Variants in PTPRD observed in about 807,000 individuals in gnomAD.
The protein encoded by PTPRD is protein tyrosine phosphatase receptor type D.
A neutral mutation model predicts 214.5 loss-of-function variants in PTPRD; 34 were observed. The observed-to-expected ratio is 0.16, with a 90% confidence interval of 0.12 to 0.21. PTPRD has a LOEUF of 0.21. Among genes scored for constraint, PTPRD ranks in the 10% least tolerant of loss-of-function variants. The pLI, the probability that PTPRD is intolerant of heterozygous loss-of-function variation, is 1.00. For missense variants in PTPRD, 2,545 were observed against 2,398.7 expected (o/e 1.06, Z -1.27); for synonymous variants, 1,128 against 845.7 (o/e 1.33, Z -5.79).
chr9:10,497,069 T>C (rs1384915070), intron 2 of PTPRD, among the ~76,000 whole-genome samples: 1 of 151,850 alleles, frequency 6.6e-6, no homozygotes, highest in African/African-American at 2.4e-5. Flanking sequence ...ATACCTTATG[T>C]TCTTACTTAT....
intron 14 of PTPRD, among the ~76,000 whole-genome samples, chr9:8,620,050 G>C (rs1356027955): frequency 3.3e-5 from 5 of 151,964 alleles, no homozygotes; most frequent in African/African-American, 1.2e-4. Context: ...GCACTTAGCA[G>C]ACCTCTCCTT....
intron 3 of PTPRD, among the ~76,000 whole-genome samples, chr9:10,094,156 C>T (rs373654022): frequency 1.3e-5 from 2 of 151,230 alleles, no homozygotes; most frequent in African/African-American, 4.8e-5. Flanking sequence ...ATTAGCTGAC[C>T]GCTGTCTTGG....
At chr9:8,581,215 A>T (rs2093049520) in intron 14 of PTPRD, among the ~76,000 whole-genome samples, 1 of 152,204 alleles carries the variant, frequency 6.6e-6, no homozygotes, top group South Asian at 2.1e-4. Context: ...ATCAAACCAA[A>T]AATTAAAGAG....
chr9:8,968,545 T>C (rs2099214923), intron 11 of PTPRD, among the ~76,000 whole-genome samples: 2 of 152,140 alleles, frequency 1.3e-5, no homozygotes, highest in African/African-American at 2.4e-5. Flanking sequence ...CAGGCACTTT[T>C]CTCAGTGTTA....
At chr9:10,312,535 TAA>T (rs2096295237) in intron 3 of PTPRD, among the ~76,000 whole-genome samples, 1 of 151,998 alleles carries the variant, frequency 6.6e-6, no homozygotes, top group African/African-American at 2.4e-5. Flanking sequence ...TTAAAATTTA[TAA>T]ACTCTTGCTT....
chr9:8,343,376 A>G (rs1414150109), intron 39 of PTPRD, among the ~76,000 whole-genome samples: 1 of 152,050 alleles, frequency 6.6e-6, no homozygotes, highest in African/African-American at 2.4e-5. Context: ...TTGACATGAC[A>G]TTGATATATC....
At chr9:9,313,350 T>C (rs571056654) in intron 9 of PTPRD, among the ~76,000 whole-genome samples, 2 of 152,172 alleles carry the variant, frequency 1.3e-5, no homozygotes, top group South Asian at 2.1e-4. Flanking sequence ...AAGAAAACTT[T>C]ATTAGTTTGT....
intron 8 of PTPRD, among the ~76,000 whole-genome samples, chr9:9,521,289 C>T (rs2096965810): frequency 6.6e-6 from 1 of 152,128 alleles, no homozygotes; most frequent in Non-Finnish European, 1.5e-5. Context: ...TCGTGGTCTG[C>T]ATTCCAGGAT....
At chr9:9,676,762 T>C (rs1222218354) in intron 7 of PTPRD, among the ~76,000 whole-genome samples, 9 of 152,158 alleles carry the variant, frequency 5.9e-5, no homozygotes, top group Non-Finnish European at 2.9e-5. Context: ...AGTGTTCCTA[T>C]TTCTCCACAT....
intron 2 of PTPRD, among the ~76,000 whole-genome samples, chr9:10,433,546 CTT>C (rs2098697161): frequency 6.6e-6 from 1 of 151,894 alleles, no homozygotes; most frequent in Admixed American, 6.6e-5. Flanking sequence ...GAAATATGCT[CTT>C]ATGTCATCTG....
At chr9:9,892,764 C>G (rs2073804301) in intron 5 of PTPRD, among the ~76,000 whole-genome samples, 1 of 151,268 alleles carries the variant, frequency 6.6e-6, no homozygotes. Flanking sequence ...AAAATTGTGT[C>G]TTGTTCAGGG....
At chr9:10,303,889 T>C (rs1398955253) in intron 3 of PTPRD, among the ~76,000 whole-genome samples, 1 of 152,142 alleles carries the variant, frequency 6.6e-6, no homozygotes, top group African/African-American at 2.4e-5. Flanking sequence ...CAAAAAAAGA[T>C]GGAATCCTCC....
intron 9 of PTPRD, among the ~76,000 whole-genome samples, chr9:9,347,095 A>G (rs1463596306): frequency 6.6e-6 from 1 of 152,072 alleles, no homozygotes; most frequent in African/African-American, 2.4e-5. Context: ...TGAGCCTGGG[A>G]GGTTGAGGCT....
chr9:10,109,444 A>G (rs957877866), intron 3 of PTPRD, among the ~76,000 whole-genome samples: 5 of 152,188 alleles, frequency 3.3e-5, no homozygotes, highest in African/African-American at 1.2e-4. Context: ...ATAATTGCCA[A>G]ATCCTATTGT....
intron 2 of PTPRD, among the ~76,000 whole-genome samples, chr9:10,504,902 A>G (rs1267256922): frequency 2.0e-5 from 3 of 152,158 alleles, no homozygotes; most frequent in East Asian, 3.9e-4. Flanking sequence ...TAATGTTAAC[A>G]GAGGAAAGGG....
At chr9:8,421,837 T>C (rs2094384713) in intron 35 of PTPRD, among the ~76,000 whole-genome samples, 1 of 144,054 alleles carries the variant, frequency 6.9e-6, no homozygotes, top group Non-Finnish European at 1.5e-5. Context: ...GTACATTCAC[T>C]GAACTTTTTT....
At chr9:9,981,705 T>C (rs1326901332) in intron 4 of PTPRD, among the ~76,000 whole-genome samples, 1 of 152,020 alleles carries the variant, frequency 6.6e-6, no homozygotes, top group Non-Finnish European at 1.5e-5. Context: ...TTAAATTGGG[T>C]TCCAATGGGG....
At chr9:9,963,053 G>A (rs1406837209) in intron 4 of PTPRD, among the ~76,000 whole-genome samples, 2 of 151,882 alleles carry the variant, frequency 1.3e-5, no homozygotes, top group Non-Finnish European at 2.9e-5. Context: ...GACAAGCCTA[G>A]GGATGTATAA....
At chr9:8,862,912 A>T (rs1566698291) in intron 11 of PTPRD, among the ~76,000 whole-genome samples, 1 of 151,074 alleles carries the variant, frequency 6.6e-6, no homozygotes. Context: ...CACTCTGGGG[A>T]CGGTTGTGGG....
Sources: gnomAD v4.1 joint callset for allele counts (sites outside exome capture counted in the v4.1 genomes callset) on GRCh38, gnomAD v4.1.1 for gene constraint, MANE v1.5 for transcripts, NCBI Gene and HGNC (gene_info 2026-07-23, HGNC 2026-07-21) for gene names.